Variants in PSEN1 observed in about 807,000 individuals in gnomAD.
PSEN1 encodes the protein presenilin 1.
A neutral mutation model predicts 53.5 loss-of-function variants in PSEN1; 15 were observed. That is an observed-to-expected ratio of 0.28 (90% CI 0.19 to 0.43). The LOEUF is 0.43. Ranked by LOEUF, PSEN1 falls within the 20% of genes least tolerant of loss-of-function variation. PSEN1 has a pLI of 1.00. For missense variants in PSEN1, 387 were observed against 571.2 expected, an observed-to-expected ratio of 0.68 and a Z score of 3.29; for synonymous variants, 208 against 209.8, an observed-to-expected ratio of 0.99 and a Z score of 0.08.
chr14:73,171,139 G>A lies in PSEN1; in HGVS notation c.338+92G>A, dbSNP rs113485120. On this transcript the variant is annotated intron_variant, in intron 4 of 11. Coordinates refer to ENST00000324501, the MANE Select transcript of PSEN1 (RefSeq NM_000021.4). ...CACCTTGAAGGCCTCTGCATTGAAGGGGCATGACTTAGCTGGAGAGCCCAT... is the reference window on the plus strand; with the variant it reads ...CACCTTGAAGGCCTCTGCATTGAAGAGGCATGACTTAGCTGGAGAGCCCAT... 1.1e-4 allele frequency: 162 copies of A among 1,486,836 alleles called. No individual in the cohort carries two copies. In the African/African-American group the frequency reaches 1.5e-3, roughly 14 times the overall value. The allele number at this position is 1,486,836 out of a possible 1,614,324, so 92.1% of individuals were successfully genotyped here.
chr14:73,189,803 T>G (rs1269812362), intron 6 of PSEN1: 1 of 252,594 alleles, frequency 4.0e-6, no homozygotes, highest in Non-Finnish European at 8.2e-6. Flanking sequence ...CCAGCTCCCC[T>G]TAAGCTGAGC....
In PSEN1 at chr14:73,170,878, G is replaced by T; in HGVS notation, c.169G>T (p.Gly57Cys). The change falls in exon 4 of 12, where the codon GGT becomes TGT. Residue 57 changes from glycine to cysteine, a missense_variant. Physicochemically the swap from Gly to Cys is radical, Grantham distance 159. Around this residue, in one of 4 missense-constraint regions of PSEN1, gnomAD observed 99 missense variants for 101.5 expected, o/e 0.98. Transcript: ENST00000324501. The part of the protein sequence containing the change: ...PEPLSNGRPQ[G>C]NSRQVVEQDE... ...GCCATTATCTAATGGACGACCCCAG[G>T]GTAACTCCCGGCAGGTGGTGGAGCA... 6.2e-7 allele frequency: 1 copy of T among 1,614,160 alleles called. No individual in the cohort carries two copies. Among genetic ancestry groups the T allele is most frequent in the Non-Finnish European group, 8.5e-7 (1 of 1,180,022 alleles).
chr14:73,185,314 C>A (rs1331146583), intron 5 of PSEN1, among the ~76,000 whole-genome samples: 2 of 152,138 alleles, frequency 1.3e-5, no homozygotes, highest in Admixed American at 1.3e-4. Context: ...AGCCTGGGCA[C>A]CATTGAGCAC....
chr14:73,169,122 G>C (rs1005431697), intron 3 of PSEN1: 7 of 152,180 alleles, frequency 4.6e-5, no homozygotes, highest in Non-Finnish European at 8.8e-5. Flanking sequence ...TAAAACCCTT[G>C]ATGAACTTCC....
intron 3 of PSEN1, among the ~76,000 whole-genome samples, chr14:73,149,935 A>G (rs866690204): frequency 1.3e-5 from 2 of 152,254 alleles, no homozygotes; most frequent in Non-Finnish European, 1.5e-5. Flanking sequence ...ACGAGCTGCT[A>G]TAGCCTGGAA....
At chr14:73,152,083 T>C (rs961812150) in intron 3 of PSEN1, among the ~76,000 whole-genome samples, 1 of 150,592 alleles carries the variant, frequency 6.6e-6, no homozygotes, top group African/African-American at 2.4e-5. Context: ...GGCTAATTTT[T>C]TGTATTTTTC....
At chr14:73,197,884 T>G in intron 7 of PSEN1, 147 bp from the exon 8 acceptor site, 32 of 582,618 alleles carry the variant, frequency 5.5e-5, no homozygotes, top group Non-Finnish European at 6.9e-5. Flanking sequence ...TCACCTGCCA[T>G]TTATTTCATA....
intron 9 of PSEN1, among the ~76,000 whole-genome samples, chr14:73,208,385 G>T (rs1459117407): frequency 6.6e-6 from 1 of 152,222 alleles, no homozygotes; most frequent in Non-Finnish European, 1.5e-5. Context: ...GACCCTATCT[G>T]CAGGCAGGTC....
chr14:73,178,562 A>G (rs1363883466), intron 5 of PSEN1, among the ~76,000 whole-genome samples: 1 of 151,934 alleles, frequency 6.6e-6, no homozygotes, highest in Non-Finnish European at 1.5e-5. Context: ...TTTATTTTCC[A>G]ATTTTTTTCA....
At chr14:73,203,224 G>A (rs1163514627) in intron 8 of PSEN1, among the ~76,000 whole-genome samples, 6 of 151,942 alleles carry the variant, frequency 3.9e-5, no homozygotes, top group African/African-American at 1.5e-4. Flanking sequence ...GATTACAGAC[G>A]CCTGCCACCA....
At chr14:73,194,594 A>G (rs1387028046) in intron 7 of PSEN1, among the ~76,000 whole-genome samples, 2 of 133,778 alleles carry the variant, frequency 1.5e-5, no homozygotes, top group East Asian at 4.3e-4. Flanking sequence ...TTCAAGACGG[A>G]GTCTGGCTCT....
At position 73,198,020 on chromosome 14, in the gene PSEN1, T is replaced by C; in HGVS notation, c.770-11T>C. On this transcript the variant is annotated splice_polypyrimidine_tract_variant and intron_variant, in intron 7 of 11. Transcript: ENST00000324501. ...TTTTATTAGATGTCTTTTATGTTTT[T>C]CTTTTTCTAGATTTAGTGGCTGTTT... 6.5e-7 allele frequency: 1 copy of C among 1,529,036 alleles called. No individual in the cohort carries two copies. Among genetic ancestry groups the C allele is most frequent in the Non-Finnish European group, 9.1e-7 (1 of 1,103,674 alleles). 94.7% of individuals were successfully genotyped at this position (1,529,036 alleles called of 1,614,324 possible).
At chr14:73,202,438 ATATATATATATATATATATATATAT>A (rs1404958478) in intron 8 of PSEN1, among the ~76,000 whole-genome samples, 1 of 16,188 alleles carries the variant, frequency 6.2e-5, no homozygotes, top group South Asian at 2.4e-3. Context: ...ATATATATAT[ATATATATATATATATATATATATAT>A]TTTTTTTTTT....
chr14:73,167,626 C>T (rs965382248), intron 3 of PSEN1, among the ~76,000 whole-genome samples: 2 of 152,072 alleles, frequency 1.3e-5, no homozygotes, highest in African/African-American at 4.8e-5. Context: ...CTCCTTTATC[C>T]CTTACCCTAT....
Position 73,216,815 on chromosome 14 carries a change from G to T in PSEN1, c.1130-311G>T, listed in dbSNP as rs17781841. ...AAATGATGCCTATCTCAGAATTCTTGTAAGGATTTCTTAGTACAAGTGCTG... is the reference window on the plus strand; with the variant it reads ...AAATGATGCCTATCTCAGAATTCTTTTAAGGATTTCTTAGTACAAGTGCTG... On this transcript the variant is annotated intron_variant, in intron 10 of 11. Transcript: ENST00000324501. 0.057 allele frequency among the ~76,000 whole-genome samples: 8,696 copies of T among 151,908 alleles called. 331 individuals are homozygous for T. Among genetic ancestry groups the T allele is most frequent in the Non-Finnish European group, 0.088 (6,015 of 67,988 alleles).
intron 9 of PSEN1, chr14:73,208,992 CA>C: frequency 2.4e-6 from 1 of 416,146 alleles, no homozygotes; most frequent in Non-Finnish European, 4.9e-6. Flanking sequence ...GCCAAGGTGG[CA>C]GGGGGCTGGC....
At chr14:73,216,391 A>G (rs1594757831) in intron 10 of PSEN1, among the ~76,000 whole-genome samples, 1 of 152,180 alleles carries the variant, frequency 6.6e-6, no homozygotes, top group African/African-American at 2.4e-5. Context: ...GTACAGCTCT[A>G]TTAATTTTCC....
At chr14:73,147,709 A>G (rs1897111571) in intron 1 of PSEN1, 86 bp from the exon 2 acceptor site, 1 of 371,282 alleles carries the variant, frequency 2.7e-6, no homozygotes, top group African/African-American at 2.1e-5. Flanking sequence ...CTGGTTTACA[A>G]ATTGGTCTTA....
intron 3 of PSEN1, among the ~76,000 whole-genome samples, chr14:73,154,870 T>C (rs1897313693): frequency 6.6e-6 from 1 of 152,166 alleles, no homozygotes; most frequent in African/African-American, 2.4e-5. Flanking sequence ...TACCTATCAG[T>C]GAGTTAAAAT....
Sources: gnomAD v4.1 joint callset for allele counts (sites outside exome capture counted in the v4.1 genomes callset) on GRCh38, gnomAD v4.1.1 for gene constraint, gnomAD v4.1.1 regional missense constraint, MANE v1.5 for transcripts, NCBI Gene and HGNC (gene_info 2026-07-23, HGNC 2026-07-21) for gene names.